Variants in DGKB observed in about 807,000 individuals in gnomAD.
The protein encoded by DGKB is 90 kDa diacylglycerol kinase.
A neutral mutation model predicts 114.3 loss-of-function variants in DGKB; 67 were observed. That is an observed-to-expected ratio of 0.59 (90% CI 0.48 to 0.72). The LOEUF (loss-of-function observed/expected upper bound fraction) is 0.72, where lower values mean the gene tolerates loss of function less well. Among genes scored for constraint, DGKB ranks in the 30% least tolerant of loss-of-function variants. The pLI, the probability that DGKB is intolerant of heterozygous loss-of-function variation, is 0.00. For missense variants in DGKB, 907 were observed against 975.2 expected, an observed-to-expected ratio of 0.93 and a Z score of 0.93; for synonymous variants, 398 against 323.1, an observed-to-expected ratio of 1.23 and a Z score of -2.49.
At chr7:14,644,649 CA>C (rs1008965488) in intron 13 of DGKB, among the ~76,000 whole-genome samples, 1 of 150,576 alleles carries the variant, frequency 6.6e-6, no homozygotes, top group South Asian at 2.1e-4. Flanking sequence ...TAGTCACACA[CA>C]AAAAAAAGAG....
intron 23 of DGKB, among the ~76,000 whole-genome samples, chr7:14,182,073 G>C (rs1782706424): frequency 6.6e-6 from 1 of 152,054 alleles, no homozygotes; most frequent in Non-Finnish European, 1.5e-5. Flanking sequence ...TATAAATGTA[G>C]TCAGGAATAC....
chr7:14,320,648 A>G (rs898852345), intron 23 of DGKB, among the ~76,000 whole-genome samples: 2 of 151,912 alleles, frequency 1.3e-5, no homozygotes, highest in Admixed American at 1.3e-4. Context: ...GGTCTGTCCT[A>G]TAACTTAAGT....
chr7:14,660,320 C>T (rs943952203), intron 13 of DGKB, among the ~76,000 whole-genome samples: 4 of 151,750 alleles, frequency 2.6e-5, no homozygotes, highest in African/African-American at 7.2e-5. Flanking sequence ...ACCAGTTCCT[C>T]CTTGTACCTC....
intron 20 of DGKB, among the ~76,000 whole-genome samples, chr7:14,513,824 T>C (rs1788355954): frequency 6.6e-6 from 1 of 152,000 alleles, no homozygotes; most frequent in Non-Finnish European, 1.5e-5. Flanking sequence ...AATGAGCATA[T>C]GGATTGTTTT....
intron 2 of DGKB, among the ~76,000 whole-genome samples, chr7:14,760,533 T>C (rs974079194): frequency 1.3e-5 from 2 of 152,106 alleles, no homozygotes; most frequent in Admixed American, 6.6e-5. Context: ...AAGGCACTAT[T>C]CTAAGTTAGC....
intron 1 of DGKB, among the ~76,000 whole-genome samples, chr7:14,935,932 G>T (rs906547248): frequency 6.6e-6 from 1 of 152,022 alleles, no homozygotes; most frequent in African/African-American, 2.4e-5. Flanking sequence ...GCCCACATTG[G>T]TTGTCCATCA....
chr7:14,923,903 G>A lies in DGKB; in HGVS notation c.-188+50793C>T, dbSNP rs184673341. On this transcript the variant is annotated intron_variant, in intron 1 of 4. Coordinates refer to the DGKB transcript ENST00000437998. ...CCAGCTACTTGGGAGGCTGAGGCAG[G>A]AGAATCTCTTGAACCCGGGAGGCGG... 5.2e-3 allele frequency among the ~76,000 whole-genome samples: 767 copies of A among 146,840 alleles called. 7 individuals are homozygous for A. Among genetic ancestry groups the A allele is most frequent in the African/African-American group, 0.017 (686 of 39,248 alleles).
At chr7:14,812,660 T>C (rs1843597404) in intron 2 of DGKB, among the ~76,000 whole-genome samples, 1 of 152,182 alleles carries the variant, frequency 6.6e-6, no homozygotes, top group African/African-American at 2.4e-5. Context: ...CAGTGTCACA[T>C]TTTCTGTCAG....
At chr7:14,761,970 G>A (rs932522632) in intron 2 of DGKB, among the ~76,000 whole-genome samples, 5 of 152,152 alleles carry the variant, frequency 3.3e-5, no homozygotes, top group Non-Finnish European at 5.9e-5. Context: ...TCTGAAACAT[G>A]GGGCTAATTT....
At chr7:14,476,991 C>T (rs912819155) in intron 21 of DGKB, among the ~76,000 whole-genome samples, 8 of 152,166 alleles carry the variant, frequency 5.3e-5, no homozygotes, top group African/African-American at 1.9e-4. Flanking sequence ...ACCTCATGAT[C>T]TGCCCGCCTT....
At position 14,527,734 on chromosome 7, in the gene DGKB, T is replaced by A. The variant is rs62443514; in HGVS notation, c.1770+46478A>T. ...TTTAATGAAATAGAATTATAATGTT[T>A]ATAAAATACAACATTGTAGAATGAA... On this transcript the variant is annotated intron_variant, in intron 20 of 25. Transcript: ENST00000402815. 5.3e-3 allele frequency among the ~76,000 whole-genome samples: 813 copies of A among 152,216 alleles called. 5 individuals are homozygous for A. Among genetic ancestry groups the A allele is most frequent in the Middle Eastern group, 0.017 (5 of 294 alleles).
At chr7:14,267,841 C>T in intron 23 of DGKB, among the ~76,000 whole-genome samples, 1 of 152,056 alleles carries the variant, frequency 6.6e-6, no homozygotes, top group East Asian at 1.9e-4. Context: ...ATATAGATAA[C>T]TAGAACATAG....
At chr7:14,393,415 A>T (rs1821735475) in intron 21 of DGKB, among the ~76,000 whole-genome samples, 1 of 152,158 alleles carries the variant, frequency 6.6e-6, no homozygotes, top group Non-Finnish European at 1.5e-5. Flanking sequence ...TCATTAGTAT[A>T]CCATATGATT....
At chr7:14,318,852 G>T (rs1202213072) in intron 23 of DGKB, among the ~76,000 whole-genome samples, 1 of 152,104 alleles carries the variant, frequency 6.6e-6, no homozygotes, top group East Asian at 1.9e-4. Flanking sequence ...GTTTATTGCG[G>T]CATTATTCAC....
chr7:14,678,510 A>C (rs1033865928), intron 12 of DGKB, among the ~76,000 whole-genome samples: 1 of 152,032 alleles, frequency 6.6e-6, no homozygotes, highest in Non-Finnish European at 1.5e-5. Context: ...TGCCAACAGA[A>C]ATACACAGCT....
upstream of DGKB, among the ~76,000 whole-genome samples, chr7:14,904,354 C>G (rs113122657): frequency 1.2e-4 from 19 of 152,208 alleles, no homozygotes; most frequent in African/African-American, 4.6e-4. Context: ...ATTTCTGCCT[C>G]TGAGTACTTT....
Position 14,426,003 on chromosome 7 carries a change from A to G in DGKB, c.1835+52158T>C, listed in dbSNP as rs571103481. ...ACAAGTATTTAGAGTGTTGAAATTC[A>G]AATTTTATCTAATTAACCTGAAACT... On this transcript the variant is annotated intron_variant, in intron 21 of 25. Transcript: ENST00000402815. 2.0e-5 allele frequency among the ~76,000 whole-genome samples: 3 copies of G among 152,300 alleles called. No homozygotes were observed. The South Asian group carries it at 6.2e-4, about 32-fold the overall frequency.
At chr7:14,836,823 G>A (rs928067279) in intron 2 of DGKB, among the ~76,000 whole-genome samples, 7 of 152,186 alleles carry the variant, frequency 4.6e-5, no homozygotes, top group African/African-American at 1.4e-4. Flanking sequence ...AACACAGAGC[G>A]GAGGCTGCCA....
chr7:14,511,374 T>G (rs1787952725), intron 20 of DGKB, among the ~76,000 whole-genome samples: 1 of 152,232 alleles, frequency 6.6e-6, no homozygotes, highest in African/African-American at 2.4e-5. Context: ...AGATGGCTTC[T>G]TTCCTTAAAA....
Sources: allele counts gnomAD v4.1 joint callset (sites outside exome capture counted in the v4.1 genomes callset), GRCh38; gene constraint gnomAD v4.1.1; transcripts MANE v1.5; gene names NCBI Gene and HGNC (gene_info 2026-07-23, HGNC 2026-07-21).